The following EYS variants were observed in gnomAD, a reference collection of about 807,000 sequenced individuals.
EYS encodes the protein protein eyes shut homolog.
A neutral mutation model predicts 282.1 loss-of-function variants in EYS; 250 were observed. That is an observed-to-expected ratio of 0.89 (90% CI 0.80 to 0.98). The LOEUF is 0.98. EYS is among the 50% of genes least tolerant of loss of function. EYS has a pLI of 0.00. For synonymous variants in EYS, 1,355 were observed against 1,282.9 expected (o/e 1.06, Z -1.20); for missense variants, 4,016 against 3,709.0 (o/e 1.08, Z -2.15).
chr6:65,525,373 T>C (rs75471217), intron 2 of EYS, among the ~76,000 whole-genome samples: 1 of 152,156 alleles, frequency 6.6e-6, no homozygotes. Context: ...AGGTCTATTA[T>C]ACACACCTCT....
chr6:65,149,566 T>C (rs1234095253), intron 12 of EYS, among the ~76,000 whole-genome samples: 1 of 151,884 alleles, frequency 6.6e-6, no homozygotes, highest in Non-Finnish European at 1.5e-5. Flanking sequence ...CAAAGCTGCT[T>C]CCTAAGAACT....
At chr6:63,739,749 A>C (rs1769023869) in intron 41 of EYS, among the ~76,000 whole-genome samples, 1 of 152,018 alleles carries the variant, frequency 6.6e-6, no homozygotes, top group Non-Finnish European at 1.5e-5. Context: ...GCTGGAATGC[A>C]GTGGTGTGAT....
chr6:65,538,501 A>G (rs1366632894), intron 2 of EYS, among the ~76,000 whole-genome samples: 2 of 152,132 alleles, frequency 1.3e-5, no homozygotes, highest in Non-Finnish European at 2.9e-5. Context: ...ACCCTTAAAA[A>G]TTGCTATTTG....
At chr6:65,170,557 G>C (rs1444038190) in intron 12 of EYS, among the ~76,000 whole-genome samples, 1 of 151,310 alleles carries the variant, frequency 6.6e-6, no homozygotes, top group Non-Finnish European at 1.5e-5. Flanking sequence ...CAACTTAAAA[G>C]GTCAGAAAAT....
rs55989200 is a variant in EYS, at chr6:65,696,719, C to T, written c.-448+10416G>A. Reference sequence around the variant, plus strand: ...TCTTGCACATCCTAAAAATGAAATGCTATTTTAATAATGATAAATAATTCA... The same window carrying T: ...TCTTGCACATCCTAAAAATGAAATGTTATTTTAATAATGATAAATAATTCA... On this transcript the variant is annotated intron_variant, in intron 1 of 42. Coordinates refer to ENST00000503581, the MANE Select transcript of EYS (RefSeq NM_001142800.2). Among the ~76,000 whole-genome samples, 1,432 of 151,930 alleles carry T rather than the reference C, an allele frequency of 9.4e-3. 13 individuals are homozygous for T. The highest frequency in any genetic ancestry group is 0.015 in the Non-Finnish European group (1,003 of 67,826).
At chr6:64,760,901 A>C (rs543198790) in intron 22 of EYS, among the ~76,000 whole-genome samples, 1 of 152,346 alleles carries the variant, frequency 6.6e-6, no homozygotes, top group South Asian at 2.1e-4. Context: ...AGGACACTTT[A>C]GAACCTAGCC....
At chr6:64,587,206 C>T (rs1473057032) in intron 26 of EYS, among the ~76,000 whole-genome samples, 1 of 151,704 alleles carries the variant, frequency 6.6e-6, no homozygotes, top group Non-Finnish European at 1.5e-5. Flanking sequence ...TTCTAGTGGT[C>T]CAATACAAAG....
At chr6:63,994,017 G>A (rs1195768487) in intron 34 of EYS, among the ~76,000 whole-genome samples, 2 of 151,830 alleles carry the variant, frequency 1.3e-5, no homozygotes, top group Admixed American at 1.3e-4. Flanking sequence ...CTTTGAAAAG[G>A]GTACCACAAA....
At chr6:64,910,994 T>C (rs1767974155) in intron 16 of EYS, among the ~76,000 whole-genome samples, 1 of 152,036 alleles carries the variant, frequency 6.6e-6, no homozygotes, top group Non-Finnish European at 1.5e-5. Context: ...TTTTCTATTT[T>C]ACTTAGCCTA....
intron 22 of EYS, among the ~76,000 whole-genome samples, chr6:64,712,793 A>G (rs544292372): frequency 3.9e-5 from 6 of 152,214 alleles, no homozygotes; most frequent in Non-Finnish European, 8.8e-5. Flanking sequence ...AGGCTGAGGC[A>G]TTTCAGGACC....
chr6:65,339,168 C>T (rs1376528099), intron 10 of EYS, among the ~76,000 whole-genome samples: 4 of 150,948 alleles, frequency 2.6e-5, no homozygotes, highest in South Asian at 4.1e-4. Context: ...AAGCTGGATC[C>T]TTAAAATAAT....
chr6:64,067,057 A>AT (rs1771398314), intron 32 of EYS, among the ~76,000 whole-genome samples: 1 of 152,094 alleles, frequency 6.6e-6, no homozygotes, highest in African/African-American at 2.4e-5. Flanking sequence ...CCACTTTGAA[A>AT]TGTTCTTTTC....
At chr6:65,140,798 T>A (rs1311643827) in intron 12 of EYS, among the ~76,000 whole-genome samples, 1 of 151,378 alleles carries the variant, frequency 6.6e-6, no homozygotes, top group Non-Finnish European at 1.5e-5. Flanking sequence ...TGAGATACCA[T>A]CTCACACCAG....
intron 22 of EYS, among the ~76,000 whole-genome samples, chr6:64,681,439 G>C (rs1243774365): frequency 6.6e-6 from 1 of 152,100 alleles, no homozygotes; most frequent in Admixed American, 6.5e-5. Context: ...GAAAATACTA[G>C]GGCAAATACT....
intron 36 of EYS, among the ~76,000 whole-genome samples, chr6:63,814,242 A>G (rs1771121961): frequency 6.6e-6 from 1 of 152,362 alleles, no homozygotes; most frequent in African/African-American, 2.4e-5. Context: ...TAAAGGGAAT[A>G]GAAATAAATA....
chr6:65,100,443 A>G (rs1175254468), intron 12 of EYS, among the ~76,000 whole-genome samples: 1 of 150,840 alleles, frequency 6.6e-6, no homozygotes, highest in African/African-American at 2.4e-5. Flanking sequence ...AATAAAAAAG[A>G]AAGTCAAGGA....
At chr6:63,938,123 C>T (rs1765126683) in intron 35 of EYS, among the ~76,000 whole-genome samples, 1 of 152,176 alleles carries the variant, frequency 6.6e-6, no homozygotes, top group Non-Finnish European at 1.5e-5. Context: ...TTTCTGAACT[C>T]TGCACAGATG....
chr6:65,279,843 A>G (rs1768166651), intron 12 of EYS, among the ~76,000 whole-genome samples: 1 of 152,130 alleles, frequency 6.6e-6, no homozygotes, highest in African/African-American at 2.4e-5. Flanking sequence ...CAACGTGTTC[A>G]TTCTTTTCCC....
rs560204327 is a variant in EYS, at chr6:64,935,184, GA to G, written c.2381+10608del. ...ACAAGGGTGTTAAAGTGGTATATCA[GA>G]AAAAAATATCTATTTAACACAAAGT... On this transcript the variant is annotated intron_variant, in intron 15 of 42. Coordinates refer to ENST00000503581, the MANE Select transcript of EYS (RefSeq NM_001142800.2). 1.2e-4 allele frequency among the ~76,000 whole-genome samples: 18 copies of G among 151,592 alleles called. No individual in the cohort carries two copies. In the East Asian group the frequency reaches 1.9e-3, roughly 16 times the overall value.
Sources: allele counts gnomAD v4.1 joint callset (sites outside exome capture counted in the v4.1 genomes callset), GRCh38; gene constraint gnomAD v4.1.1; transcripts MANE v1.5; gene names NCBI Gene and HGNC (gene_info 2026-07-23, HGNC 2026-07-21).